NRG3: variants seen among roughly 807,000 people sequenced by gnomAD.
NRG3 encodes the protein neuregulin 3, also known as pro-neuregulin-3, membrane-bound isoform.
Under a neutral mutation model 66.9 loss-of-function variants are expected in NRG3, and 31 were observed. The observed-to-expected ratio is 0.46, with a 90% CI of 0.35 to 0.63. The LOEUF (loss-of-function observed/expected upper bound fraction) is 0.63. Among genes scored for constraint, NRG3 ranks in the 20% least tolerant of loss-of-function variants. NRG3 has a pLI of 0.00. For missense variants in NRG3, 910 were observed against 878.9 expected (o/e 1.04, Z -0.45); for synonymous variants, 393 against 359.4 (o/e 1.09, Z -1.06).
At chr10:82,557,023 C>G (rs1238561202) in intron 2 of NRG3, among the ~76,000 whole-genome samples, 1 of 152,130 alleles carries the variant, frequency 6.6e-6, no homozygotes, top group African/African-American at 2.4e-5. Flanking sequence ...ACCACATTTT[C>G]TTTATCCAGT....
chr10:82,666,898 A>C (rs1393577849), intron 2 of NRG3, among the ~76,000 whole-genome samples: 1 of 152,200 alleles, frequency 6.6e-6, no homozygotes, highest in Non-Finnish European at 1.5e-5. Context: ...GACTTTAATA[A>C]ATGCATGATA....
intron 1 of NRG3, among the ~76,000 whole-genome samples, chr10:82,089,204 T>G (rs534221237): frequency 6.6e-6 from 1 of 152,312 alleles, no homozygotes; most frequent in East Asian, 1.9e-4. Flanking sequence ...ATTTTGTTAT[T>G]GAAATGCTAA....
intron 2 of NRG3, among the ~76,000 whole-genome samples, chr10:82,536,835 A>G (rs898062551): frequency 2.0e-5 from 3 of 151,716 alleles, no homozygotes; most frequent in East Asian, 3.8e-4. Context: ...TATAGTGCAA[A>G]TTATTAAATA....
At chr10:81,878,763 G>A (rs1328403645) in intron 1 of NRG3, among the ~76,000 whole-genome samples, 4 of 151,956 alleles carry the variant, frequency 2.6e-5, no homozygotes, top group African/African-American at 2.4e-5. Context: ...TGATGCTTTC[G>A]TTTTTTGACT....
intron 6 of NRG3, 111 bp downstream of exon 6, chr10:82,959,186 G>T (rs944717927): frequency 1.6e-6 from 2 of 1,258,680 alleles, no homozygotes; most frequent in African/African-American, 3.0e-5. Flanking sequence ...GCTTTATAGG[G>T]TTTTGCTTAA....
chr10:81,976,972 T>G (rs1397730043), intron 1 of NRG3, among the ~76,000 whole-genome samples: 1 of 152,224 alleles, frequency 6.6e-6, no homozygotes, highest in Non-Finnish European at 1.5e-5. Flanking sequence ...CTATTTACAC[T>G]TGACTCATAA....
At chr10:82,221,931 A>C (rs2075963113) in intron 1 of NRG3, among the ~76,000 whole-genome samples, 1 of 151,920 alleles carries the variant, frequency 6.6e-6, no homozygotes, top group Non-Finnish European at 1.5e-5. Context: ...AACCACTCCC[A>C]TCCAGTGGTA....
At chr10:82,107,439 G>A (rs1263380705) in intron 1 of NRG3, among the ~76,000 whole-genome samples, 1 of 152,156 alleles carries the variant, frequency 6.6e-6, no homozygotes, top group Non-Finnish European at 1.5e-5. Context: ...TGCGTAAATA[G>A]CACATGTCAC....
chr10:82,871,110 C>T (rs1258560826), intron 4 of NRG3, among the ~76,000 whole-genome samples: 1 of 152,110 alleles, frequency 6.6e-6, no homozygotes, highest in Non-Finnish European at 1.5e-5. Context: ...AGTGTAAGGT[C>T]TGTGTCTAGG....
chr10:81,968,007 A>G (rs1589630426), intron 1 of NRG3, among the ~76,000 whole-genome samples: 1 of 152,348 alleles, frequency 6.6e-6, no homozygotes, highest in East Asian at 1.9e-4. Context: ...GCAATGAACT[A>G]TGAAGCATTA....
At chr10:82,535,561 G>A (rs1029252138) in intron 2 of NRG3, among the ~76,000 whole-genome samples, 8 of 152,178 alleles carry the variant, frequency 5.3e-5, no homozygotes, top group African/African-American at 1.4e-4. Context: ...GATGACTGCC[G>A]CTAGAGAAAA....
chr10:82,338,960 C>A (rs2082534490), intron 1 of NRG3, among the ~76,000 whole-genome samples: 1 of 152,142 alleles, frequency 6.6e-6, no homozygotes, highest in African/African-American at 2.4e-5. Context: ...AAGAAACAAG[C>A]CTTTCCCACT....
intron 2 of NRG3, among the ~76,000 whole-genome samples, chr10:82,570,438 G>T (rs770285983): frequency 6.6e-6 from 1 of 151,548 alleles, no homozygotes; most frequent in Non-Finnish European, 1.5e-5. Context: ...TTTCCTGATG[G>T]TAGGGAGAGG....
At chr10:82,389,073 A>G (rs1163431019) in intron 2 of NRG3, among the ~76,000 whole-genome samples, 1 of 152,200 alleles carries the variant, frequency 6.6e-6, no homozygotes, top group African/African-American at 2.4e-5. Context: ...ACATGATGGC[A>G]TCTTCTTACA....
intron 1 of NRG3, among the ~76,000 whole-genome samples, chr10:82,269,957 T>G (rs1418603282): frequency 6.6e-6 from 1 of 152,186 alleles, no homozygotes; most frequent in Non-Finnish European, 1.5e-5. Context: ...CAAACTTACA[T>G]GAAGTCTCTC....
intron 2 of NRG3, among the ~76,000 whole-genome samples, chr10:82,532,101 A>G (rs182648483): frequency 6.6e-6 from 1 of 151,980 alleles, no homozygotes; most frequent in African/African-American, 2.4e-5. Context: ...TGTAATTAGG[A>G]TATCCATCGC....
chr10:82,068,704 G>C (rs560317367), intron 1 of NRG3, among the ~76,000 whole-genome samples: 1 of 152,280 alleles, frequency 6.6e-6, no homozygotes, highest in South Asian at 2.1e-4. Flanking sequence ...GGCAGGGAAA[G>C]GGGGAGAGTG....
At chr10:82,041,102 C>T (rs1474282532) in intron 1 of NRG3, among the ~76,000 whole-genome samples, 1 of 152,066 alleles carries the variant, frequency 6.6e-6, no homozygotes, top group Non-Finnish European at 1.5e-5. Context: ...TAAACTATGT[C>T]ATTCGCATTT....
rs115984417 is a variant in NRG3, at chr10:82,795,459, A to G, written c.1027+56809A>G. On this transcript the variant is annotated intron_variant, in intron 3 of 8. Transcript: ENST00000372141. The stretch of plus-strand genomic sequence containing the variant: ...TATTCAACAGTTGTCTTTCCATCTC[A>G]TCTCTCCTGATTCTTCCCCATGCTT... 6.9e-3 allele frequency among the ~76,000 whole-genome samples: 1,045 copies of G among 152,222 alleles called. 13 individuals are homozygous for G. Among genetic ancestry groups the G allele is most frequent in the African/African-American group, 0.024 (1,007 of 41,532 alleles).
Sources: gnomAD v4.1 joint callset for allele counts (sites outside exome capture counted in the v4.1 genomes callset) on GRCh38, gnomAD v4.1.1 for gene constraint, MANE v1.5 for transcripts, NCBI Gene and HGNC (gene_info 2026-07-23, HGNC 2026-07-21) for gene names.